Variants in SLC17A8 observed in about 807,000 individuals in gnomAD.
SLC17A8 encodes solute carrier family 17 member 8.
Under a neutral mutation model 58.0 loss-of-function variants are expected in SLC17A8, and 31 were observed. The ratio of observed to expected loss-of-function variants is 0.53; its 90% CI spans 0.40 to 0.72. The LOEUF is 0.72. SLC17A8 is among the 30% of genes least tolerant of loss of function. The pLI, the probability that SLC17A8 is intolerant of heterozygous loss-of-function variation, is 0.00. For synonymous variants in SLC17A8, 228 were observed against 249.0 expected (o/e 0.92, Z 0.79); for missense variants, 655 against 727.8 (o/e 0.90, Z 1.15).
At chr12:100,383,730 C>T (rs546852037) in intron 2 of SLC17A8, among the ~76,000 whole-genome samples, 21 of 147,348 alleles carry the variant, frequency 1.4e-4, no homozygotes, top group Admixed American at 2.7e-4. Context: ...TTTTTTGAAA[C>T]GGGATCTCTG....
At chr12:100,401,099 G>T (rs1330507385) in intron 5 of SLC17A8, among the ~76,000 whole-genome samples, 2 of 145,876 alleles carry the variant, frequency 1.4e-5, no homozygotes, top group East Asian at 4.1e-4. Context: ...ACGGGTTCAA[G>T]CAATTCCCGT....
chr12:100,362,377 T>G (rs1952490561), intron 1 of SLC17A8, among the ~76,000 whole-genome samples: 1 of 152,032 alleles, frequency 6.6e-6, no homozygotes, highest in Non-Finnish European at 1.5e-5. Flanking sequence ...CTGGGCTAGT[T>G]TTATTTATTT....
At chr12:100,367,650 A>G (rs1233431046) in intron 1 of SLC17A8, among the ~76,000 whole-genome samples, 1 of 152,188 alleles carries the variant, frequency 6.6e-6, no homozygotes, top group African/African-American at 2.4e-5. Context: ...TCCCAGGCTC[A>G]AGTGATCCTC....
At chr12:100,419,042 ATAT>A (rs1315734197) in intron 11 of SLC17A8, among the ~76,000 whole-genome samples, 1 of 152,202 alleles carries the variant, frequency 6.6e-6, no homozygotes, top group Admixed American at 6.5e-5. Context: ...TACACTGAAA[ATAT>A]TATAAAGTTC....
At chr12:100,375,036 T>C (rs1218440070) in intron 1 of SLC17A8, among the ~76,000 whole-genome samples, 1 of 151,708 alleles carries the variant, frequency 6.6e-6, no homozygotes, top group Non-Finnish European at 1.5e-5. Context: ...GTCTTCCCTC[T>C]GGAAAGTCTC....
intron 5 of SLC17A8, among the ~76,000 whole-genome samples, chr12:100,398,576 G>C (rs1952768667): frequency 6.6e-6 from 1 of 152,212 alleles, no homozygotes; most frequent in Non-Finnish European, 1.5e-5. Flanking sequence ...ACATGTCCCA[G>C]CTAAGGTGTG....
intron 1 of SLC17A8, among the ~76,000 whole-genome samples, chr12:100,374,229 G>A (rs1399809528): frequency 3.3e-5 from 5 of 152,198 alleles, no homozygotes; most frequent in Admixed American, 3.3e-4. Flanking sequence ...GAAGCCTGGT[G>A]TGTTCCATGA....
At chr12:100,376,655 G>T (rs773029632) in intron 1 of SLC17A8, among the ~76,000 whole-genome samples, 2 of 152,154 alleles carry the variant, frequency 1.3e-5, no homozygotes, top group Admixed American at 6.5e-5. Flanking sequence ...TCAAATAAGA[G>T]AATTACATGA....
At chr12:100,370,583 CACCG>C (rs2135975265) in intron 1 of SLC17A8, among the ~76,000 whole-genome samples, 1 of 149,572 alleles carries the variant, frequency 6.7e-6, no homozygotes, top group African/African-American at 2.5e-5. Context: ...AGGCATGAGC[CACCG>C]TGCCCAGCCA....
chr12:100,391,225 G>A lies in SLC17A8; in HGVS notation c.473+106G>A, dbSNP rs965278054. 18 of 780,892 alleles carry A rather than the reference G, an allele frequency of 2.3e-5. No individual in the cohort carries two copies. In the African/African-American group the frequency reaches 3.1e-4, roughly 13 times the overall value. 48.4% of individuals were successfully genotyped at this position (780,892 alleles called of 1,614,324 possible). A position where few individuals can be genotyped will look rare whatever the true frequency, so the allele number is the denominator to read the frequency against. ...TTTGGGGGTGCAGAATGAAAAACAG[G>A]AGCCATCTGGATAGATGCAATTCAC... On this transcript the variant is annotated intron_variant, in intron 3 of 11. Transcript: ENST00000323346.
intron 5 of SLC17A8, among the ~76,000 whole-genome samples, chr12:100,400,998 C>CTTTTT (rs4015907): frequency 1.7e-4 from 19 of 113,064 alleles, no homozygotes; most frequent in South Asian, 3.1e-4. Context: ...CACCCCTCAC[C>CTTTTT]TTTTTTTTTT....
intron 8 of SLC17A8, among the ~76,000 whole-genome samples, chr12:100,402,974 T>C (rs1438492406): frequency 6.6e-6 from 1 of 152,224 alleles, no homozygotes; most frequent in African/African-American, 2.4e-5. Flanking sequence ...TAAAGATTTA[T>C]GTTGTACCCA....
intron 1 of SLC17A8, among the ~76,000 whole-genome samples, chr12:100,378,951 T>C (rs1403980651): frequency 6.6e-6 from 1 of 152,186 alleles, no homozygotes; most frequent in Non-Finnish European, 1.5e-5. Flanking sequence ...CTTGTATATG[T>C]GTCTTTCTTC....
chr12:100,375,084 T>C lies in SLC17A8; in HGVS notation c.102-5617T>C, dbSNP rs150108053. On this transcript the variant is annotated intron_variant, in intron 1 of 11. Coordinates refer to ENST00000323346, the MANE Select transcript of SLC17A8 (RefSeq NM_139319.3). ...ATGACACTGTGCACACAGAGGGTGCTTGTGTTGGTTCAGGTCTTCCAAGAA... is the reference window on the plus strand; with the variant it reads ...ATGACACTGTGCACACAGAGGGTGCCTGTGTTGGTTCAGGTCTTCCAAGAA... Among the ~76,000 whole-genome samples, 1,015 of 151,040 alleles carry C rather than the reference T, an allele frequency of 6.7e-3. 11 individuals are homozygous for C. The highest frequency in any genetic ancestry group is 0.023 in the African/African-American group (960 of 41,034).
In SLC17A8 at chr12:100,380,942, C is replaced by T. The variant is rs1032008815; in HGVS notation, c.343C>T (p.Pro115Ser). 1 of 1,613,886 alleles carries T rather than the reference C, an allele frequency of 6.2e-7. No homozygotes were observed. ...TAGCACCGTATATGTTGATGGAAAA[C>T]CGGAAATTCAGGTTGGTATCAGTCC... ...NNSTVYVDGK[P>S]EIQTAQFNWD... Residue 115 changes from proline (P) to serine (S), a missense_variant, in exon 2 of 12, where the codon CCG (proline) becomes TCG (serine). Pro to Ser is a moderately conservative substitution (Grantham distance 74). Transcript: ENST00000323346.
Position 100,403,992 on chromosome 12 carries a change from C to G in SLC17A8, c.1054-46C>G, listed in dbSNP as rs11568549. Reference sequence around the variant, plus strand: ...GGGCAAGGGAATTAGGGAGGCCCCTCTCTCAGAAATAATGACAAACTGCTT... The same window carrying G: ...GGGCAAGGGAATTAGGGAGGCCCCTGTCTCAGAAATAATGACAAACTGCTT... On this transcript the variant is annotated intron_variant, in intron 8 of 11. Coordinates refer to ENST00000323346, the MANE Select transcript of SLC17A8 (RefSeq NM_139319.3). The G allele has an allele frequency of 2.9e-3, 4,656 of 1,612,780 alleles. 115 individuals are homozygous for G. In the African/African-American group the frequency reaches 0.053, roughly 18 times the overall value.
chr12:100,382,328 C>A (rs1175707271), intron 2 of SLC17A8, among the ~76,000 whole-genome samples: 1 of 152,182 alleles, frequency 6.6e-6, no homozygotes, highest in East Asian at 1.9e-4. Context: ...TAGTTATAAG[C>A]AAGGATACTT....
At chr12:100,416,342 C>T (rs1952906370) in intron 10 of SLC17A8, among the ~76,000 whole-genome samples, 1 of 152,160 alleles carries the variant, frequency 6.6e-6, no homozygotes. Context: ...GTGTTTATCA[C>T]ATTCAAATCC....
chr12:100,375,963 T>C (rs1219817111), intron 1 of SLC17A8, among the ~76,000 whole-genome samples: 1 of 152,104 alleles, frequency 6.6e-6, no homozygotes, highest in African/African-American at 2.4e-5. Context: ...TATTTGGAGA[T>C]AGGGTCTTTA....
Sources: gnomAD v4.1 joint callset for allele counts (sites outside exome capture counted in the v4.1 genomes callset) on GRCh38, gnomAD v4.1.1 for gene constraint, MANE v1.5 for transcripts, NCBI Gene and HGNC (gene_info 2026-07-23, HGNC 2026-07-21) for gene names.